The following NTRK2 variants were observed in gnomAD, a reference collection of about 807,000 sequenced individuals.
NTRK2 encodes the protein BDNF/NT-3 growth factors receptor.
In NTRK2, 13 loss-of-function variants were observed where a neutral mutation model predicts 94.5. That is an observed-to-expected ratio of 0.14 (90% CI 0.09 to 0.22). The LOEUF (loss-of-function observed/expected upper bound fraction) is 0.22. Ranked by LOEUF, NTRK2 falls within the 10% of genes least tolerant of loss-of-function variation. NTRK2 has a pLI of 1.00. For missense variants in NTRK2, 639 were observed against 1,071.2 expected (o/e 0.60, Z 5.63); for synonymous variants, 372 against 407.4 (o/e 0.91, Z 1.05).
intron 2 of NTRK2, among the ~76,000 whole-genome samples, chr9:84,683,281 G>C (rs180902750): frequency 2.5e-4 from 38 of 152,030 alleles, no homozygotes; most frequent in African/African-American, 8.7e-4. Context: ...CTATCAACCT[G>C]TCATCTAGGC....
At chr9:84,705,225 C>G (rs2060972958) in intron 4 of NTRK2, among the ~76,000 whole-genome samples, 1 of 152,052 alleles carries the variant, frequency 6.6e-6, no homozygotes, top group African/African-American at 2.4e-5. Flanking sequence ...ATGTGAGCAT[C>G]ACATGGGGAC....
intron 14 of NTRK2, among the ~76,000 whole-genome samples, chr9:84,925,797 T>C (rs1011773099): frequency 2.6e-5 from 4 of 152,232 alleles, no homozygotes; most frequent in Non-Finnish European, 5.9e-5. Context: ...CCAGTTTTAG[T>C]CCAGCCAGAT....
At chr9:84,898,986 C>T (rs2076845605) in intron 14 of NTRK2, among the ~76,000 whole-genome samples, 1 of 152,176 alleles carries the variant, frequency 6.6e-6, no homozygotes, top group Non-Finnish European at 1.5e-5. Context: ...CAGGCGTCTT[C>T]AGTTTATTTC....
At chr9:84,856,554 A>C (rs779829382) in intron 12 of NTRK2, among the ~76,000 whole-genome samples, 1 of 152,096 alleles carries the variant, frequency 6.6e-6, no homozygotes, top group Non-Finnish European at 1.5e-5. Flanking sequence ...TACTCAGGCA[A>C]GCACTTGGCC....
intron 9 of NTRK2, among the ~76,000 whole-genome samples, chr9:84,730,069 A>C (rs1208367744): frequency 6.6e-6 from 1 of 152,240 alleles, no homozygotes; most frequent in African/African-American, 2.4e-5. Context: ...TATAAAAAAT[A>C]CAACTTAGGC....
At chr9:84,980,803 G>A (rs1245567196) in intron 17 of NTRK2, among the ~76,000 whole-genome samples, 1 of 152,220 alleles carries the variant, frequency 6.6e-6, no homozygotes, top group Non-Finnish European at 1.5e-5. Context: ...AATGGAGCGC[G>A]TAAGCTCGTG....
At chr9:84,884,545 T>C (rs1405999760) in intron 14 of NTRK2, among the ~76,000 whole-genome samples, 2 of 152,220 alleles carry the variant, frequency 1.3e-5, no homozygotes, top group African/African-American at 2.4e-5. Context: ...TTCCTAATTA[T>C]ACACATTTAC....
chr9:84,961,684 T>C (rs1221625544), intron 17 of NTRK2, among the ~76,000 whole-genome samples: 1 of 152,176 alleles, frequency 6.6e-6, no homozygotes, highest in Non-Finnish European at 1.5e-5. Flanking sequence ...GCAAAAAGCA[T>C]CTAGACTTTT....
At chr9:84,866,647 C>T (rs1462009097) in intron 13 of NTRK2, among the ~76,000 whole-genome samples, 1 of 152,154 alleles carries the variant, frequency 6.6e-6, no homozygotes. Context: ...ATGGTGCAGC[C>T]ACTTTGGAAA....
At chr9:84,841,032 A>AT in intron 12 of NTRK2, among the ~76,000 whole-genome samples, 1 of 152,316 alleles carries the variant, frequency 6.6e-6, no homozygotes, top group Non-Finnish European at 1.5e-5. Flanking sequence ...ACTGTTGCTG[A>AT]GCCCTGAAGC....
chr9:84,773,803 C>A (rs1468984148), intron 12 of NTRK2, among the ~76,000 whole-genome samples: 1 of 152,068 alleles, frequency 6.6e-6, no homozygotes. Flanking sequence ...ACACTTAACA[C>A]TCTTTCTCTT....
At chr9:84,835,731 T>C (rs2073835250) in intron 12 of NTRK2, among the ~76,000 whole-genome samples, 1 of 152,222 alleles carries the variant, frequency 6.6e-6, no homozygotes, top group Non-Finnish European at 1.5e-5. Flanking sequence ...GGAAGCCAGC[T>C]GATGGAAAAC....
At chr9:84,829,276 G>A (rs1031784329) in intron 12 of NTRK2, among the ~76,000 whole-genome samples, 2 of 152,164 alleles carry the variant, frequency 1.3e-5, no homozygotes, top group East Asian at 3.9e-4. Context: ...TGGGATTACA[G>A]GTGCAAGCCA....
At position 84,751,712 on chromosome 9, in the gene NTRK2, A is replaced by G. The variant is rs1031898175; in HGVS notation, c.1297-274A>G. On this transcript the variant is annotated intron_variant, in intron 11 of 18. Coordinates refer to ENST00000277120, the MANE Select transcript of NTRK2 (RefSeq NM_006180.6). ...AGATGGATGGAGAGAGAGCTGTAAT[A>G]TTTTTAAAATGCCAATTGGATAGCC... Among the ~76,000 whole-genome samples, 4 of 152,020 alleles carry G rather than the reference A, an allele frequency of 2.6e-5. No homozygotes were observed. In the South Asian group the frequency reaches 8.3e-4, roughly 32 times the overall value.
At chr9:84,745,113 T>C (rs1240188169) in intron 11 of NTRK2, 40 bp downstream of exon 11, 8 of 1,395,306 alleles carry the variant, frequency 5.7e-6, no homozygotes, top group African/African-American at 1.4e-5. Flanking sequence ...GTTCTGAGCA[T>C]TTTGGATGCC....
At chr9:84,752,182 G>A (rs973494520) in intron 12 of NTRK2, 97 bp downstream of exon 12, 3 of 944,518 alleles carry the variant, frequency 3.2e-6, no homozygotes, top group Non-Finnish European at 5.1e-6. Flanking sequence ...CTAGATTTAT[G>A]ATGATTAGGT....
intron 14 of NTRK2, among the ~76,000 whole-genome samples, chr9:84,906,281 G>A (rs1488423175): frequency 3.3e-5 from 5 of 152,270 alleles, no homozygotes; most frequent in African/African-American, 9.6e-5. Flanking sequence ...GGGAAGAAAT[G>A]AGAGAACTAG....
chr9:84,821,943 T>A (rs1035978375), intron 12 of NTRK2, among the ~76,000 whole-genome samples: 1 of 152,154 alleles, frequency 6.6e-6, no homozygotes, highest in Non-Finnish European at 1.5e-5. Flanking sequence ...CTTCCCTTTT[T>A]CTGCCTTTCA....
intron 15 of NTRK2, among the ~76,000 whole-genome samples, chr9:84,940,109 T>C (rs368362577): frequency 1.1e-4 from 16 of 152,206 alleles, no homozygotes; most frequent in African/African-American, 3.6e-4. Context: ...ATACTGACCC[T>C]TGGAAATGAA....
Sources: allele counts gnomAD v4.1 joint callset (sites outside exome capture counted in the v4.1 genomes callset), GRCh38; gene constraint gnomAD v4.1.1; transcripts MANE v1.5; gene names NCBI Gene and HGNC (gene_info 2026-07-23, HGNC 2026-07-21).